The following BNC2 variants were observed in gnomAD, a reference collection of about 807,000 sequenced individuals.
BNC2 encodes the protein basonuclin zinc finger protein 2, also known as zinc finger protein basonuclin-2.
A neutral mutation model predicts 76.3 loss-of-function variants in BNC2; 20 were observed. The observed-to-expected ratio is 0.26, with a 90% CI of 0.18 to 0.38. The LOEUF (loss-of-function observed/expected upper bound fraction) is 0.38. Ranked by LOEUF, BNC2 falls within the 10% of genes least tolerant of loss-of-function variation. BNC2 has a pLI of 1.00. For synonymous variants in BNC2, 582 were observed against 514.8 expected, an observed-to-expected ratio of 1.13 and a Z score of -1.77; for missense variants, 1,382 against 1,399.8, an observed-to-expected ratio of 0.99 and a Z score of 0.20.
intron 5 of BNC2, among the ~76,000 whole-genome samples, chr9:16,521,078 G>A (rs1250470502): frequency 1.3e-5 from 2 of 152,128 alleles, no homozygotes; most frequent in Admixed American, 6.5e-5. Context: ...ACATCAGACA[G>A]GAGAATCACT....
intron 2 of BNC2, among the ~76,000 whole-genome samples, chr9:16,731,985 T>C (rs1393171429): frequency 6.6e-6 from 1 of 151,766 alleles, no homozygotes; most frequent in African/African-American, 2.4e-5. Flanking sequence ...TCAGTTAGTG[T>C]GGGATAACAA....
intron 1 of BNC2, among the ~76,000 whole-genome samples, chr9:16,834,231 A>G (rs898197994): frequency 6.6e-6 from 1 of 152,112 alleles, no homozygotes; most frequent in East Asian, 1.9e-4. Context: ...TAATTCTGAT[A>G]TTTGTAGTAT....
Position 16,417,873 on chromosome 9 carries a change from T to C in BNC2, c.*1116A>G, listed in dbSNP as rs1820617809. On this transcript the variant is annotated 3_prime_UTR_variant, in exon 7 of 7. Coordinates refer to ENST00000380672, the MANE Select transcript of BNC2 (RefSeq NM_017637.6). Reference sequence around the variant, plus strand: ...GGATGCAATGTTGATTCTAATAACATTCGGCACTTGAAAGAATCACCAAGT... The same window carrying C: ...GGATGCAATGTTGATTCTAATAACACTCGGCACTTGAAAGAATCACCAAGT... 6.5e-6 allele frequency: 1 copy of C among 152,680 alleles called. No homozygotes were observed. The highest frequency in any genetic ancestry group is 1.5e-5 in the Non-Finnish European group (1 of 68,048). The allele number at this position is 152,680 out of a possible 1,614,324, so 9.5% of individuals were successfully genotyped here. A position where few individuals can be genotyped will look rare whatever the true frequency, so the allele number is the denominator to read the frequency against.
At chr9:16,607,540 A>G (rs112038657) in intron 3 of BNC2, among the ~76,000 whole-genome samples, 31 of 152,338 alleles carry the variant, frequency 2.0e-4, no homozygotes, top group African/African-American at 7.5e-4. Context: ...TTATATTCTT[A>G]CAGAATAAAT....
intron 5 of BNC2, among the ~76,000 whole-genome samples, chr9:16,447,281 T>A (rs1375462524): frequency 6.6e-6 from 1 of 152,098 alleles, no homozygotes; most frequent in Non-Finnish European, 1.5e-5. Context: ...TTGATTAGGC[T>A]AAATATAACA....
At chr9:16,803,406 G>A (rs1288655005) in intron 1 of BNC2, among the ~76,000 whole-genome samples, 3 of 152,192 alleles carry the variant, frequency 2.0e-5, no homozygotes, top group Non-Finnish European at 4.4e-5. Flanking sequence ...TTATTACAAC[G>A]AAGGGAGGCA....
At position 16,579,863 on chromosome 9, in the gene BNC2, C is replaced by T. The variant is rs1587195011; in HGVS notation, c.433+3120G>A. 1.9e-5 allele frequency: 7 copies of T among 368,268 alleles called. No homozygotes were observed. The Admixed American group carries it at 3.2e-4, about 17-fold the overall frequency. The allele number at this position is 368,268 out of a possible 1,614,324, so 22.8% of individuals were successfully genotyped here. A position where few individuals can be genotyped will look rare whatever the true frequency, so the allele number is the denominator to read the frequency against. The stretch of plus-strand genomic sequence containing the variant: ...CTAAAAATCTGTTTTAGAGAGAATA[C>T]ATGATTTTGGCATTTGGTTATTTTT... On this transcript the variant is annotated intron_variant, in intron 4 of 6. Coordinates refer to ENST00000380672, the MANE Select transcript of BNC2 (RefSeq NM_017637.6).
chr9:16,523,475 C>CA (rs1235558983), intron 5 of BNC2, among the ~76,000 whole-genome samples: 5,382 of 91,336 alleles, frequency 0.059, 338 homozygotes, highest in African/African-American at 0.19. Context: ...CGTCTCAAAA[C>CA]AAAAAAAAAA....
At chr9:16,773,392 T>C (rs568806619) in intron 1 of BNC2, among the ~76,000 whole-genome samples, 1 of 152,168 alleles carries the variant, frequency 6.6e-6, no homozygotes, top group Admixed American at 6.5e-5. Flanking sequence ...GTATGTCCAT[T>C]CCCACTGCTT....
chr9:16,712,225 T>G (rs1045873375), intron 3 of BNC2, among the ~76,000 whole-genome samples: 1 of 152,206 alleles, frequency 6.6e-6, no homozygotes, highest in African/African-American at 2.4e-5. Flanking sequence ...TCTTCTATAA[T>G]TCTGAATATA....
intron 3 of BNC2, among the ~76,000 whole-genome samples, chr9:16,683,254 A>C (rs769677614): frequency 6.6e-6 from 1 of 152,224 alleles, no homozygotes; most frequent in Non-Finnish European, 1.5e-5. Flanking sequence ...ATAAAAGGCA[A>C]AGGTTTAAAA....
chr9:16,750,029 A>G (rs1191820412), intron 1 of BNC2, among the ~76,000 whole-genome samples: 1 of 152,232 alleles, frequency 6.6e-6, no homozygotes, highest in Non-Finnish European at 1.5e-5. Flanking sequence ...ACTTGAAACT[A>G]TAGTAGACAC....
At chr9:16,698,736 G>A (rs1397526726) in intron 3 of BNC2, among the ~76,000 whole-genome samples, 1 of 152,044 alleles carries the variant, frequency 6.6e-6, no homozygotes, top group Non-Finnish European at 1.5e-5. Flanking sequence ...TACGGACATG[G>A]AAAGATACTT....
chr9:16,552,571 C>G lies in BNC2; in HGVS notation c.628G>C (p.Gly210Arg), dbSNP rs1385852749. ...EEVLHILHGLGWTLRDYVRGY... is the reference protein window; with the variant it reads ...EEVLHILHGLRWTLRDYVRGY... Reference sequence around the variant, plus strand: ...CGGACATAGTCCCGCAGAGTCCAGCCAAGGCCGTGCAGTATGTGCAGTACC... The same window carrying G: ...CGGACATAGTCCCGCAGAGTCCAGCGAAGGCCGTGCAGTATGTGCAGTACC... Residue 210 changes from glycine (G) to arginine (R), a missense_variant, in exon 5 of 7, where the codon GGC (glycine) becomes CGC (arginine). Physicochemically the swap from Gly to Arg is moderately radical, Grantham distance 125. Transcript: ENST00000380672. 1 of 1,614,248 alleles carries G rather than the reference C, an allele frequency of 6.2e-7. No individual in the cohort carries two copies. Among genetic ancestry groups the G allele is most frequent in the African/African-American group, 1.3e-5 (1 of 75,068 alleles).
chr9:16,524,271 C>T (rs1817722484), intron 5 of BNC2, among the ~76,000 whole-genome samples: 1 of 152,220 alleles, frequency 6.6e-6, no homozygotes, highest in South Asian at 2.1e-4. Flanking sequence ...GTATGAGCTA[C>T]TAGTAGACAC....
At chr9:16,855,449 T>C (rs1819230047) in intron 1 of BNC2, among the ~76,000 whole-genome samples, 1 of 152,242 alleles carries the variant, frequency 6.6e-6, no homozygotes, top group South Asian at 2.1e-4. Flanking sequence ...AAAAAGGTTG[T>C]TATACTTTGG....
At chr9:16,459,520 C>T (rs1016376882) in intron 5 of BNC2, among the ~76,000 whole-genome samples, 12 of 152,282 alleles carry the variant, frequency 7.9e-5, no homozygotes, top group Middle Eastern at 3.4e-3. Context: ...AGGAAGAACA[C>T]ACCTATTTGT....
At chr9:16,696,842 AG>A (rs1183617117) in intron 3 of BNC2, among the ~76,000 whole-genome samples, 3 of 152,326 alleles carry the variant, frequency 2.0e-5, no homozygotes, top group Admixed American at 6.5e-5. Flanking sequence ...AGATGCAAAA[AG>A]GTTATTATTT....
intron 1 of BNC2, among the ~76,000 whole-genome samples, chr9:16,868,837 A>T (rs868643586): frequency 6.6e-6 from 1 of 152,164 alleles, no homozygotes; most frequent in Non-Finnish European, 1.5e-5. Context: ...ATGTTCTGTT[A>T]ACTTGTACAA....
Sources: gnomAD v4.1 joint callset for allele counts (sites outside exome capture counted in the v4.1 genomes callset) on GRCh38, gnomAD v4.1.1 for gene constraint, MANE v1.5 for transcripts, NCBI Gene and HGNC (gene_info 2026-07-23, HGNC 2026-07-21) for gene names.